The following GPC5 variants were observed in gnomAD, a reference collection of about 807,000 sequenced individuals.
GPC5 encodes the protein glypican 5, also known as glypican-5.
A neutral mutation model predicts 53.9 loss-of-function variants in GPC5; 47 were observed. The observed-to-expected ratio is 0.87, with a 90% confidence interval of 0.69 to 1.11. GPC5 has a LOEUF of 1.11. Among genes scored for constraint, GPC5 ranks in the 50% most tolerant of loss-of-function variants. The pLI, the probability that GPC5 is intolerant of heterozygous loss-of-function variation, is 0.00. For missense variants in GPC5, 748 were observed against 713.1 expected (o/e 1.05, Z -0.56); for synonymous variants, 286 against 263.3 (o/e 1.09, Z -0.84).
intron 2 of GPC5, among the ~76,000 whole-genome samples, chr13:91,661,957 A>C (rs1255167744): frequency 6.6e-6 from 1 of 152,192 alleles, no homozygotes; most frequent in Non-Finnish European, 1.5e-5. Context: ...TGTCTTAGAA[A>C]TTTCATTAAA....
chr13:92,760,556 TG>T (rs1466865450), intron 7 of GPC5, among the ~76,000 whole-genome samples: 3 of 152,204 alleles, frequency 2.0e-5, no homozygotes, highest in East Asian at 1.9e-4. Context: ...ATTTAAGACT[TG>T]TTTTTTTTAT....
chr13:91,656,166 A>T (rs1021722039), intron 2 of GPC5, among the ~76,000 whole-genome samples: 10 of 152,192 alleles, frequency 6.6e-5, no homozygotes, highest in African/African-American at 2.2e-4. Context: ...AAATAACAGA[A>T]ACAGAGGCAG....
intron 2 of GPC5, among the ~76,000 whole-genome samples, chr13:91,557,681 C>G (rs1325822457): frequency 6.6e-6 from 1 of 152,146 alleles, no homozygotes; most frequent in Non-Finnish European, 1.5e-5. Context: ...TCCTTTCATT[C>G]AAACAGATTC....
In GPC5 at chr13:91,486,943, GC is replaced by G. The variant is rs539810951; in HGVS notation, c.325+38023del. ...GCCTGGAATGATTGTCTGTATCAAGGCCATATTCCTAAAATATGAAATCTGT... is the reference window on the plus strand; with the variant it reads ...GCCTGGAATGATTGTCTGTATCAAGGCATATTCCTAAAATATGAAATCTGT... On this transcript the variant is annotated intron_variant, in intron 2 of 7. Transcript: ENST00000377067. The G allele has an allele frequency of 4.7e-3, 711 of 152,274 alleles. 11 individuals carry two copies. The highest frequency in any genetic ancestry group is 0.01 in the Middle Eastern group (3 of 292). 9.4% of individuals were successfully genotyped at this position (152,274 alleles called of 1,614,324 possible).
At chr13:91,459,803 C>T (rs1368979142) in intron 2 of GPC5, among the ~76,000 whole-genome samples, 1 of 152,056 alleles carries the variant, frequency 6.6e-6, no homozygotes, top group Non-Finnish European at 1.5e-5. Flanking sequence ...AAGTGATAGA[C>T]ATATTTCTGT....
intron 2 of GPC5, among the ~76,000 whole-genome samples, chr13:91,454,197 C>A (rs1881382029): frequency 6.6e-6 from 1 of 151,980 alleles, no homozygotes; most frequent in Admixed American, 6.6e-5. Context: ...TATGAGAAAC[C>A]AAGCAATTTT....
intron 7 of GPC5, among the ~76,000 whole-genome samples, chr13:92,345,169 G>T (rs1429671866): frequency 1.3e-5 from 2 of 152,016 alleles, no homozygotes; most frequent in African/African-American, 4.8e-5. Flanking sequence ...GAATATCATA[G>T]TAATATAACA....
intron 4 of GPC5, among the ~76,000 whole-genome samples, chr13:91,730,114 A>C (rs2036663435): frequency 6.6e-6 from 1 of 152,218 alleles, no homozygotes; most frequent in Admixed American, 6.5e-5. Context: ...TGCCACACGG[A>C]GTGAACAACC....
At chr13:92,094,476 G>T (rs182552685) in intron 6 of GPC5, among the ~76,000 whole-genome samples, 1 of 126,668 alleles carries the variant, frequency 7.9e-6, no homozygotes, top group East Asian at 2.4e-4. Flanking sequence ...AGCCGAAATC[G>T]TACCACTGCA....
At chr13:91,573,265 A>G (rs2032004667) in intron 2 of GPC5, among the ~76,000 whole-genome samples, 1 of 152,178 alleles carries the variant, frequency 6.6e-6, no homozygotes, top group South Asian at 2.1e-4. Flanking sequence ...GCTCACTTAC[A>G]AATCAGTGGT....
chr13:92,605,592 T>A (rs1026277279), intron 7 of GPC5, among the ~76,000 whole-genome samples: 21 of 149,806 alleles, frequency 1.4e-4, no homozygotes, highest in African/African-American at 5.0e-4. Context: ...TTTTTTTTTT[T>A]ATTTTTTTGA....
intron 6 of GPC5, among the ~76,000 whole-genome samples, chr13:92,063,988 A>G (rs1030727298): frequency 1.4e-4 from 22 of 152,166 alleles, no homozygotes; most frequent in African/African-American, 5.1e-4. Context: ...TAAATGAACA[A>G]ATTTGGCTGA....
chr13:92,625,374 C>A (rs185652468), intron 7 of GPC5, among the ~76,000 whole-genome samples: 1 of 152,158 alleles, frequency 6.6e-6, no homozygotes, highest in East Asian at 1.9e-4. Flanking sequence ...AGAGGACCAC[C>A]AGGAAATTGT....
intron 2 of GPC5, among the ~76,000 whole-genome samples, chr13:91,489,976 G>A (rs1200296419): frequency 6.6e-6 from 1 of 152,146 alleles, no homozygotes; most frequent in Non-Finnish European, 1.5e-5. Flanking sequence ...GGCGGAGGGG[G>A]GAGTGAGTCA....
At chr13:92,347,875 A>ATATAT (rs2043431129) in intron 7 of GPC5, among the ~76,000 whole-genome samples, 1 of 1,734 alleles carries the variant, frequency 5.8e-4, no homozygotes, top group African/African-American at 1.9e-3. Context: ...TATATATATA[A>ATATAT]TATATATTAT....
At chr13:91,849,793 A>T (rs1397759133) in intron 5 of GPC5, among the ~76,000 whole-genome samples, 1 of 152,218 alleles carries the variant, frequency 6.6e-6, no homozygotes, top group African/African-American at 2.4e-5. Flanking sequence ...TGATGCATGT[A>T]TCAGAAAAGA....
chr13:91,589,189 GT>G (rs75945545), intron 2 of GPC5, among the ~76,000 whole-genome samples: 21,689 of 151,900 alleles, frequency 0.14, 1,874 homozygotes, highest in South Asian at 0.29. Context: ...CTTTCAAACT[GT>G]TTTTTTATGA....
intron 7 of GPC5, among the ~76,000 whole-genome samples, chr13:92,207,562 G>A (rs570947950): frequency 6.6e-6 from 1 of 152,304 alleles, no homozygotes; most frequent in Admixed American, 6.5e-5. Flanking sequence ...TCCTCCAGAG[G>A]AAGAAAGGAA....
chr13:91,507,244 A>T (rs987843781), intron 2 of GPC5, among the ~76,000 whole-genome samples: 5 of 152,120 alleles, frequency 3.3e-5, no homozygotes, highest in African/African-American at 1.2e-4. Context: ...CTGTCATCAC[A>T]TGGCAGAATG....
Sources: allele counts gnomAD v4.1 joint callset (sites outside exome capture counted in the v4.1 genomes callset), GRCh38; gene constraint gnomAD v4.1.1; transcripts MANE v1.5; gene names NCBI Gene and HGNC (gene_info 2026-07-23, HGNC 2026-07-21).